YEATS2: variants seen among roughly 807,000 people sequenced by gnomAD.
YEATS2 encodes the protein YEATS domain-containing protein 2.
YEATS2 carries 77 observed loss-of-function variants against 163.2 expected under a neutral mutation model. The ratio of observed to expected loss-of-function variants is 0.47; its 90% CI spans 0.39 to 0.57. The LOEUF (loss-of-function observed/expected upper bound fraction) is 0.57, where lower values mean the gene tolerates loss of function less well. YEATS2 is among the 20% of genes least tolerant of loss of function. YEATS2 has a pLI of 0.00. For missense variants in YEATS2, 1,549 were observed against 1,729.8 expected (o/e 0.90, Z 1.85); for synonymous variants, 631 against 645.1 (o/e 0.98, Z 0.33).
intron 1 of YEATS2, among the ~76,000 whole-genome samples, chr3:183,700,223 T>C (rs1713915461): frequency 6.6e-6 from 1 of 152,216 alleles, no homozygotes; most frequent in Non-Finnish European, 1.5e-5. Context: ...TTTCAAATGC[T>C]TCATGTTCAT....
In YEATS2 at chr3:183,807,041, C is replaced by A; in HGVS notation, c.3960C>A (p.Phe1320Leu). Residue 1320 changes from phenylalanine to leucine, a missense_variant, in exon 28 of 31, where the codon TTC (phenylalanine) becomes TTA (leucine). Transcript: ENST00000305135. ...EQEEKQEEVK[F>L]YLPPTPGSEF... The stretch of plus-strand genomic sequence containing the variant: ...AAGAGAAACAAGAGGAAGTCAAGTT[C>A]TACCTGCCACCAACCCCAGGGTCTG... 6.2e-7 allele frequency: 1 copy of A among 1,614,094 alleles called. No individual in the cohort carries two copies. The highest frequency in any genetic ancestry group is 8.5e-7 in the Non-Finnish European group (1 of 1,180,018).
At chr3:183,798,088 T>C (rs763529630) in intron 22 of YEATS2, 37 bp downstream of exon 22, 1 of 1,609,514 alleles carries the variant, frequency 6.2e-7, no homozygotes, top group South Asian at 1.1e-5. Flanking sequence ...GTGCTGTGGC[T>C]GCCTCCACAT....
chr3:183,717,395 T>C lies in YEATS2; in HGVS notation c.101-256T>C, dbSNP rs114493118. ...AGTTTGAGTTTGTCTAATCTTTCCT[T>C]GTGAGTAGATTCAGCATTTTTGACA... On this transcript the variant is annotated intron_variant, in intron 2 of 30. Transcript: ENST00000305135. Among the ~76,000 whole-genome samples the C allele has an allele frequency of 6.0e-3, 913 of 152,314 alleles. 8 individuals are homozygous for C. Among genetic ancestry groups the C allele is most frequent in the African/African-American group, 0.021 (865 of 41,570 alleles).
rs1726759579 is a variant in YEATS2 at position 183,811,105 on chromosome 3, C to G, written c.*522C>G. The G allele has an allele frequency of 1.9e-5, 3 of 157,696 alleles. No individual in the cohort carries two copies. Among genetic ancestry groups the G allele is most frequent in the Non-Finnish European group, 4.2e-5 (3 of 71,456 alleles). The allele number at this position is 157,696 out of a possible 1,614,324, so 9.8% of individuals were successfully genotyped here. A position where few individuals can be genotyped will look rare whatever the true frequency, so the allele number is the denominator to read the frequency against. ...GGCTGTACTCTGAGCCCAAGTGAGTCAGCTATAGGAAGAGGCCATACCTAG... is the reference window on the plus strand; with the variant it reads ...GGCTGTACTCTGAGCCCAAGTGAGTGAGCTATAGGAAGAGGCCATACCTAG... On this transcript the variant is annotated 3_prime_UTR_variant, in exon 31 of 31. Transcript: ENST00000305135.
At chr3:183,717,334 A>G (rs972638983) in intron 2 of YEATS2, among the ~76,000 whole-genome samples, 5 of 152,138 alleles carry the variant, frequency 3.3e-5, no homozygotes, top group African/African-American at 1.2e-4. Context: ...TTAATATTTA[A>G]ATAGAATAGG....
intron 8 of YEATS2, among the ~76,000 whole-genome samples, chr3:183,744,102 C>CTTTTTTT (rs562807575): frequency 3.6e-5 from 2 of 55,996 alleles, no homozygotes; most frequent in Non-Finnish European, 5.9e-5. Context: ...TTTAGTTTTG[C>CTTTTTTT]TTTTTTTTTT....
In YEATS2 at chr3:183,736,701, T is replaced by C. The variant is rs767396723; in HGVS notation, c.813-17T>C. The C allele has an allele frequency of 1.2e-6, 2 of 1,603,516 alleles. No individual in the cohort carries two copies. ...GAGTGAACATGGATGAACGTGTTAATATCTGCTTTTCCATAGAGAGCCTCC... is the reference window on the plus strand; with the variant it reads ...GAGTGAACATGGATGAACGTGTTAACATCTGCTTTTCCATAGAGAGCCTCC... On this transcript the variant is annotated splice_polypyrimidine_tract_variant and intron_variant, in intron 7 of 30. Coordinates refer to ENST00000305135, the MANE Select transcript of YEATS2 (RefSeq NM_018023.5).
At chr3:183,727,992 C>A (rs1717295221) in intron 6 of YEATS2, among the ~76,000 whole-genome samples, 1 of 151,648 alleles carries the variant, frequency 6.6e-6, no homozygotes, top group Non-Finnish European at 1.5e-5. Flanking sequence ...GAGAACAACA[C>A]AAACTTTTAA....
At chr3:183,800,392 C>T in intron 23 of YEATS2, 74 bp from the exon 24 acceptor site, 2 of 1,092,166 alleles carry the variant, frequency 1.8e-6, no homozygotes, top group Non-Finnish European at 2.7e-6. Context: ...ACTGTAAGAG[C>T]TTTGTTTGTG....
chr3:183,776,232 C>T (rs1722986646), intron 18 of YEATS2, 109 bp downstream of exon 18: 2 of 1,115,756 alleles, frequency 1.8e-6, no homozygotes, highest in South Asian at 1.7e-5. Flanking sequence ...AATACTAACA[C>T]CTTAACCGTG....
chr3:183,810,316 A>G, intron 30 of YEATS2, 159 bp from the exon 31 acceptor site: 3 of 605,110 alleles, frequency 5.0e-6, no homozygotes, highest in South Asian at 4.1e-5. Flanking sequence ...ACAGGAAGGC[A>G]GTCCTCACCC....
At chr3:183,732,728 G>A (rs1423550092) in intron 7 of YEATS2, among the ~76,000 whole-genome samples, 2 of 151,376 alleles carry the variant, frequency 1.3e-5, no homozygotes, top group African/African-American at 4.8e-5. Context: ...CCCGGCTAAC[G>A]TTTTTGTATT....
At chr3:183,717,855 C>G in intron 3 of YEATS2, 107 bp downstream of exon 3, 1 of 348,570 alleles carries the variant, frequency 2.9e-6, no homozygotes. Context: ...TTATCCTCCT[C>G]TTTGCTTTTT....
At chr3:183,795,455 ATT>A (rs573338439) in intron 21 of YEATS2, among the ~76,000 whole-genome samples, 1,540 of 79,838 alleles carry the variant, frequency 0.019, 43 homozygotes, top group African/African-American at 0.063. Flanking sequence ...CACGGGACTA[ATT>A]TTTTTTTTTT....
At position 183,776,075 on chromosome 3, in the gene YEATS2, A is replaced by G. The variant is rs1722968654; in HGVS notation, c.2529A>G (p.Ile843Met). 6.2e-7 allele frequency: 1 copy of G among 1,610,890 alleles called. No individual in the cohort carries two copies. The highest frequency in any genetic ancestry group is 8.5e-7 in the Non-Finnish European group (1 of 1,178,424). The change falls in exon 18 of 31, where the codon ATA (isoleucine) becomes ATG (methionine). Residue 843 changes from isoleucine (I) to methionine (M), a missense_variant. Physicochemically the swap from Ile to Met is conservative, Grantham distance 10 (BLOSUM62 1). Coordinates refer to ENST00000305135, the MANE Select transcript of YEATS2 (RefSeq NM_018023.5). ...AAAGTACTGCTGGCCCTGGAGGGAT[A>G]TCTCAGCACCTGACTTACACATCTT... ...GTQSTAGPGGISQHLTYTSYI... is the reference protein window; with the variant it reads ...GTQSTAGPGGMSQHLTYTSYI...
At chr3:183,735,376 C>T (rs1024266658) in intron 7 of YEATS2, among the ~76,000 whole-genome samples, 1 of 152,158 alleles carries the variant, frequency 6.6e-6, no homozygotes, top group Admixed American at 6.5e-5. Context: ...CTCCTTTGAC[C>T]CCAAGTGTGA....
chr3:183,785,488 C>CAA (rs146941322), intron 19 of YEATS2, among the ~76,000 whole-genome samples: 29 of 52,156 alleles, frequency 5.6e-4, no homozygotes, highest in South Asian at 1.3e-3. Context: ...GACTCTGTCT[C>CAA]AAAAAAAAAA....
chr3:183,747,814 C>G (rs926171283), intron 9 of YEATS2, 98 bp downstream of exon 9: 1 of 1,152,456 alleles, frequency 8.7e-7, no homozygotes, highest in South Asian at 1.3e-5. Flanking sequence ...GGTCTTCGCT[C>G]TGTCACCCAG....
At chr3:183,750,943 T>G (rs76221042) in intron 9 of YEATS2, among the ~76,000 whole-genome samples, 1,766 of 152,244 alleles carry the variant, frequency 0.012, 38 homozygotes, top group African/African-American at 0.041. Context: ...TGCACAGAAG[T>G]TTTTAAGTTT....
Sources: gnomAD v4.1 joint callset for allele counts (sites outside exome capture counted in the v4.1 genomes callset) on GRCh38, gnomAD v4.1.1 for gene constraint, MANE v1.5 for transcripts, NCBI Gene and HGNC (gene_info 2026-07-23, HGNC 2026-07-21) for gene names.